The following PLXNA4 variants were observed in gnomAD, a reference collection of about 807,000 sequenced individuals.
PLXNA4 encodes the protein plexin A4, also known as plexin-A4.
PLXNA4 carries 44 observed loss-of-function variants against 191.8 expected under a neutral mutation model. The ratio of observed to expected loss-of-function variants is 0.23; its 90% CI spans 0.18 to 0.29. PLXNA4 has a LOEUF of 0.29. Among genes scored for constraint, PLXNA4 ranks in the 10% least tolerant of loss-of-function variants. The pLI is 1.00. For synonymous variants in PLXNA4, 1,082 were observed against 1,009.5 expected, an observed-to-expected ratio of 1.07 and a Z score of -1.36; for missense variants, 1,800 against 2,488.8, an observed-to-expected ratio of 0.72 and a Z score of 5.89.
At chr7:132,563,244 CCTTCTCCTACTCCTT>C (rs1801421287) in intron 1 of PLXNA4, among the ~76,000 whole-genome samples, 1 of 117,292 alleles carries the variant, frequency 8.5e-6, no homozygotes, top group Admixed American at 8.4e-5. Context: ...TCCTCCTCCT[CCTTCTCCTACTCCTT>C]CTCCTCTTCA....
chr7:132,643,038 T>A lies in PLXNA4; in HGVS notation c.-87+2890A>T, dbSNP rs529472014. Among the ~76,000 whole-genome samples the A allele has an allele frequency of 6.8e-3, 979 of 144,494 alleles. 8 individuals are homozygous for A. Among genetic ancestry groups the A allele is most frequent in the African/African-American group, 0.024 (950 of 39,644 alleles). The allele number at this position is 144,494 out of a possible 152,430, so 94.8% of individuals were successfully genotyped here. A position where few individuals can be genotyped will look rare whatever the true frequency, so the allele number is the denominator to read the frequency against. ...GAGAAGGGTATTAGGTGGCTGGGGA[T>A]GGGGTGGGAGGGAGAATTTCAATGG... On this transcript the variant is annotated intron_variant, in intron 2 of 4. Transcript: ENST00000378539.
intron 3 of PLXNA4, among the ~76,000 whole-genome samples, chr7:132,439,995 A>AGTGT (rs3067108): frequency 0.72 from 108,489 of 150,114 alleles, 42,250 homozygotes; most frequent in Non-Finnish European, 0.88. Context: ...TGCATGTGTG[A>AGTGT]GTGTGTGTGT....
chr7:132,609,805 G>A (rs1378854941), intron 2 of PLXNA4, among the ~76,000 whole-genome samples: 1 of 152,216 alleles, frequency 6.6e-6, no homozygotes, highest in East Asian at 1.9e-4. Context: ...GGAGGGGGAA[G>A]CCTGTGGGCT....
chr7:132,337,188 A>G (rs1403210684), intron 3 of PLXNA4, among the ~76,000 whole-genome samples: 3 of 152,242 alleles, frequency 2.0e-5, no homozygotes, highest in African/African-American at 7.2e-5. Flanking sequence ...TTTCTCCCCC[A>G]TAAAGGCAGG....
chr7:132,382,382 T>C (rs1234032234), intron 3 of PLXNA4, among the ~76,000 whole-genome samples: 1 of 152,122 alleles, frequency 6.6e-6, no homozygotes, highest in Non-Finnish European at 1.5e-5. Flanking sequence ...CTGCTGCTGC[T>C]GCCTTCAGGC....
intron 16 of PLXNA4, among the ~76,000 whole-genome samples, chr7:132,184,293 G>A (rs1193695292): frequency 1.3e-5 from 2 of 152,238 alleles, no homozygotes; most frequent in Non-Finnish European, 2.9e-5. Flanking sequence ...GCCTATGAGA[G>A]TGGACAAATG....
intron 2 of PLXNA4, among the ~76,000 whole-genome samples, chr7:132,645,326 A>G (rs1056566390): frequency 6.6e-6 from 1 of 152,088 alleles, no homozygotes; most frequent in Non-Finnish European, 1.5e-5. Context: ...TGCTGTTCTC[A>G]TGACAGTGAG....
chr7:132,482,689 G>A (rs987105059), intron 3 of PLXNA4, among the ~76,000 whole-genome samples: 37 of 106,590 alleles, frequency 3.5e-4, no homozygotes, highest in African/African-American at 1.1e-3. Context: ...TGGGAGCTTC[G>A]AGAAACTTTT....
chr7:132,322,184 C>CTTTTTTTTTTTT (rs5887566), intron 3 of PLXNA4, among the ~76,000 whole-genome samples: 13 of 122,434 alleles, frequency 1.1e-4, no homozygotes, highest in East Asian at 2.3e-4. Flanking sequence ...CCTAAAAGGG[C>CTTTTTTTTTTTT]TTTTTTTTTT....
At chr7:132,423,039 C>T (rs1475505824) in intron 3 of PLXNA4, among the ~76,000 whole-genome samples, 1 of 152,130 alleles carries the variant, frequency 6.6e-6, no homozygotes, top group East Asian at 1.9e-4. Flanking sequence ...ATTCATCATC[C>T]CTGCCCCGCT....
intron 3 of PLXNA4, among the ~76,000 whole-genome samples, chr7:132,340,857 TA>T (rs1164082773): frequency 2.0e-5 from 3 of 152,196 alleles, no homozygotes; most frequent in Non-Finnish European, 4.4e-5. Context: ...TTTGTATTTT[TA>T]TTAGAGACGG....
chr7:132,315,159 G>A (rs1410363617), intron 3 of PLXNA4, among the ~76,000 whole-genome samples: 1 of 152,176 alleles, frequency 6.6e-6, no homozygotes, highest in Non-Finnish European at 1.5e-5. Context: ...TGCTACTGGG[G>A]CCTGGGAAAC....
chr7:132,279,334 A>G (rs1800392848), intron 4 of PLXNA4, among the ~76,000 whole-genome samples: 1 of 152,092 alleles, frequency 6.6e-6, no homozygotes, highest in Non-Finnish European at 1.5e-5. Flanking sequence ...GAAAGCATTG[A>G]TCTGCTCTAC....
At chr7:132,132,977 G>T in intron 31 of PLXNA4, 72 bp downstream of exon 31, 2 of 1,558,988 alleles carry the variant, frequency 1.3e-6, no homozygotes, top group Non-Finnish European at 1.7e-6. Context: ...TCTCTTATAC[G>T]GAGGCATGCA....
chr7:132,613,484 T>C (rs1803092712), intron 2 of PLXNA4, among the ~76,000 whole-genome samples: 3 of 152,260 alleles, frequency 2.0e-5, no homozygotes, highest in Admixed American at 2.0e-4. Flanking sequence ...TGTCTCTTTA[T>C]TCACTGCTGT....
At chr7:132,479,992 T>TTTTTA (rs1797276686) in intron 3 of PLXNA4, among the ~76,000 whole-genome samples, 2 of 152,068 alleles carry the variant, frequency 1.3e-5, no homozygotes, top group African/African-American at 4.8e-5. Flanking sequence ...TTTGACTATA[T>TTTTTA]AAAGAACTAT....
intron 3 of PLXNA4, among the ~76,000 whole-genome samples, chr7:132,340,632 T>C (rs889067087): frequency 6.6e-5 from 10 of 152,160 alleles, no homozygotes; most frequent in African/African-American, 2.4e-4. Flanking sequence ...CACAAGAGAA[T>C]TGGGAAATTG....
chr7:132,294,040 G>A (rs1800987163), intron 4 of PLXNA4, among the ~76,000 whole-genome samples: 1 of 152,332 alleles, frequency 6.6e-6, no homozygotes, highest in East Asian at 1.9e-4. Context: ...TTCTTATGGA[G>A]TTTACATTTT....
intron 2 of PLXNA4, among the ~76,000 whole-genome samples, chr7:132,491,183 C>A (rs969350222): frequency 3.3e-5 from 5 of 152,182 alleles, no homozygotes; most frequent in Non-Finnish European, 5.9e-5. Context: ...ACCATAAAGC[C>A]TATTGCACTC....
Sources: allele counts gnomAD v4.1 joint callset (sites outside exome capture counted in the v4.1 genomes callset), GRCh38; gene constraint gnomAD v4.1.1; transcripts MANE v1.5; gene names NCBI Gene and HGNC (gene_info 2026-07-23, HGNC 2026-07-21).